ADGRG1: variants seen among roughly 807,000 people sequenced by gnomAD.
The protein encoded by ADGRG1 is 7-transmembrane protein with no EGF-like N-terminal domains-1.
Under a neutral mutation model 73.5 loss-of-function variants are expected in ADGRG1, and 53 were observed. That is an observed-to-expected ratio of 0.72 (90% CI 0.58 to 0.91). The LOEUF (loss-of-function observed/expected upper bound fraction) is 0.91. Among genes scored for constraint, ADGRG1 ranks in the 40% least tolerant of loss-of-function variants. ADGRG1 has a pLI of 0.00. For synonymous variants in ADGRG1, 394 were observed against 374.4 expected, an observed-to-expected ratio of 1.05 and a Z score of -0.60; for missense variants, 795 against 871.8, an observed-to-expected ratio of 0.91 and a Z score of 1.11.
At chr16:57,644,813 C>G (rs1388666924) in intron 1 of ADGRG1, among the ~76,000 whole-genome samples, 1 of 143,036 alleles carries the variant, frequency 7.0e-6, no homozygotes, top group Non-Finnish European at 1.5e-5. Context: ...CTCATCACTC[C>G]TCACACACAT....
At chr16:57,620,550 C>T (rs189664208), upstream of ADGRG1, among the ~76,000 whole-genome samples, 749 of 152,284 alleles carry the variant, frequency 4.9e-3, 5 homozygotes, top group South Asian at 0.013. Context: ...TGGGATCCCA[C>T]GGAAACCGGT....
upstream of ADGRG1, chr16:57,627,678 A>G (rs1479042090): frequency 2.0e-6 from 1 of 488,098 alleles, no homozygotes; most frequent in African/African-American, 2.1e-5. Flanking sequence ...CCCTTCTGGC[A>G]TTGTAAAAGC....
chr16:57,625,508 C>T, upstream of ADGRG1: 1 of 951,290 alleles, frequency 1.1e-6, no homozygotes, highest in Non-Finnish European at 1.3e-6. Flanking sequence ...CCCCCATCTG[C>T]CTCCTTCGAG....
At chr16:57,651,733 G>T in intron 3 of ADGRG1, 111 bp downstream of exon 3, 1 of 1,506,864 alleles carries the variant, frequency 6.6e-7, no homozygotes, top group Non-Finnish European at 8.9e-7. Flanking sequence ...ACTGGGCTTT[G>T]CTCACAGGCA....
intron 1 of ADGRG1, chr16:57,644,378 GTGCA>G (rs1212044296): frequency 5.7e-6 from 1 of 174,504 alleles, no homozygotes; most frequent in East Asian, 2.1e-4. Flanking sequence ...ACACAGCCAT[GTGCA>G]CACAGACATA....
chr16:57,654,805 G>A (rs554821965), intron 5 of ADGRG1, among the ~76,000 whole-genome samples: 16 of 152,276 alleles, frequency 1.1e-4, no homozygotes, highest in South Asian at 2.1e-4. Context: ...GCTTGAACCC[G>A]GGAGGCGGAG....
chr16:57,628,007 G>A (rs548387236), upstream of ADGRG1: 1 of 985,434 alleles, frequency 1.0e-6, no homozygotes. Context: ...AATCCAAAAT[G>A]ACTTGGGATG....
Position 57,651,445 on chromosome 16 carries a change from C to T in ADGRG1, c.310C>T (p.Leu104Phe). The T allele has an allele frequency of 6.2e-7, 1 of 1,614,256 alleles. No homozygotes were observed. The highest frequency in any genetic ancestry group is 8.5e-7 in the Non-Finnish European group (1 of 1,180,040). Reference sequence around the variant, plus strand: ...CCGACATGCTGGGAGATTACATCTTCTCTATGGCAAGCGTGACTTCTTGCT... The same window carrying T: ...CCGACATGCTGGGAGATTACATCTTTTCTATGGCAAGCGTGACTTCTTGCT... ...WNRHAGRLHL[L>F]YGKRDFLLSD... The change falls in exon 3 of 14, where the codon CTC becomes TTC. Residue 104 changes from leucine to phenylalanine, a missense_variant. By Grantham distance (22) the Leu-to-Phe change is conservative. Coordinates refer to ENST00000562631, the MANE Select transcript of ADGRG1 (RefSeq NM_201525.4).
At chr16:57,630,836 TG>T in intron 1 of ADGRG1, 1 of 483,536 alleles carries the variant, frequency 2.1e-6, no homozygotes, top group African/African-American at 2.1e-5. Flanking sequence ...GGAGTCCTAG[TG>T]GAGGAAACTA....
chr16:57,625,899 G>A (rs1384699674), upstream of ADGRG1, among the ~76,000 whole-genome samples: 1 of 152,120 alleles, frequency 6.6e-6, no homozygotes, highest in African/African-American at 2.4e-5. Context: ...CCTCTGCCTG[G>A]GGTGCCCTTC....
intron 1 of ADGRG1, chr16:57,642,240 C>T: frequency 1.0e-6 from 1 of 985,396 alleles, no homozygotes; most frequent in Non-Finnish European, 1.2e-6. Context: ...GCCCTTTTCC[C>T]CACGAGCTGG....
chr16:57,633,343 C>T (rs139103394), intron 1 of ADGRG1: 35 of 984,990 alleles, frequency 3.6e-5, no homozygotes, highest in East Asian at 3.4e-4. Flanking sequence ...TTAGAGCAAG[C>T]GGCTGAATTT....
chr16:57,659,773 C>G (rs1220637398), intron 11 of ADGRG1, 92 bp downstream of exon 11: 1 of 1,353,644 alleles, frequency 7.4e-7, no homozygotes, highest in Non-Finnish European at 1.0e-6. Context: ...CCACCTATCT[C>G]TCTGACTTCC....
At chr16:57,657,017 G>A (rs1452244006) in intron 9 of ADGRG1, among the ~76,000 whole-genome samples, 2 of 152,190 alleles carry the variant, frequency 1.3e-5, no homozygotes, top group Non-Finnish European at 2.9e-5. Context: ...CTGCCTGTGG[G>A]TATCCACCTG....
rs1220668337 is a variant in ADGRG1 at position 57,664,076 on chromosome 16, G to A, written c.*494G>A. On this transcript the variant is annotated 3_prime_UTR_variant, in exon 14 of 14. Transcript: ENST00000562631. The stretch of plus-strand genomic sequence containing the variant: ...TGGCACCCAGGGCGAATGGGGCCCA[G>A]GGCAGACCTTCAGGGCCAGAGCCCT... 5.6e-6 allele frequency: 1 copy of A among 178,996 alleles called. No homozygotes were observed. Among genetic ancestry groups the A allele is most frequent in the Non-Finnish European group, 1.2e-5 (1 of 84,166 alleles). The allele number at this position is 178,996 out of a possible 1,614,324, so 11.1% of individuals were successfully genotyped here. A position where few individuals can be genotyped will look rare whatever the true frequency, so the allele number is the denominator to read the frequency against.
intron 1 of ADGRG1, chr16:57,642,240 C>G (rs1188821346): frequency 1.0e-6 from 1 of 985,396 alleles, no homozygotes; most frequent in Non-Finnish European, 1.2e-6. Context: ...GCCCTTTTCC[C>G]CACGAGCTGG....
At chr16:57,653,780 ATTCT>A in intron 4 of ADGRG1, 2 of 983,010 alleles carry the variant, frequency 2.0e-6, no homozygotes, top group Non-Finnish European at 1.2e-6. Context: ...ACCCCAGCTC[ATTCT>A]TTCTCTCCCA....
chr16:57,648,730 G>A (rs2043279932), intron 1 of ADGRG1: 6 of 983,060 alleles, frequency 6.1e-6, no homozygotes, highest in African/African-American at 3.5e-5. Flanking sequence ...GTGGCCAGCT[G>A]CCGCGCCACG....
Position 57,661,311 on chromosome 16 carries a change from A to T in ADGRG1, c.1665-386A>T, listed in dbSNP as rs570347625. 167 of 985,048 alleles carry T rather than the reference A, an allele frequency of 1.7e-4. No homozygotes were observed. In the African/African-American group the frequency reaches 2.7e-3, roughly 16 times the overall value. The allele number at this position is 985,048 out of a possible 1,614,324, so 61.0% of individuals were successfully genotyped here. ...TGGGGTTGAAGTCCAGTCCTTCTCC[A>T]CTCACCTGATTCACCCAGGCTGGCA... On this transcript the variant is annotated intron_variant, in intron 12 of 13. Transcript: ENST00000562631.
Sources: gnomAD v4.1 joint callset for allele counts (sites outside exome capture counted in the v4.1 genomes callset) on GRCh38, gnomAD v4.1.1 for gene constraint, MANE v1.5 for transcripts, NCBI Gene and HGNC (gene_info 2026-07-23, HGNC 2026-07-21) for gene names.